Variants in CACNA1C observed in about 807,000 individuals in gnomAD.
CACNA1C encodes calcium voltage-gated channel subunit alpha1 C, also known as voltage-dependent L-type calcium channel subunit alpha-1C.
In CACNA1C, 30 loss-of-function variants were observed where a neutral mutation model predicts 229.0. The ratio of observed to expected loss-of-function variants is 0.13; its 90% confidence interval spans 0.10 to 0.18. The LOEUF is 0.18. CACNA1C is among the 10% of genes least tolerant of loss of function. The probability of loss-of-function intolerance (pLI) is 1.00; values close to 1 mark genes in which losing one functional copy is unlikely to be tolerated. For synonymous variants in CACNA1C, 1,114 were observed against 1,132.5 expected, an observed-to-expected ratio of 0.98 and a Z score of 0.33; for missense variants, 1,658 against 2,845.0, an observed-to-expected ratio of 0.58 and a Z score of 9.49.
intron 5 of CACNA1C, among the ~76,000 whole-genome samples, chr12:2,470,472 C>T (rs574664394): frequency 4.6e-5 from 7 of 152,296 alleles, no homozygotes; most frequent in South Asian, 2.1e-4. Flanking sequence ...GTGATCAATA[C>T]GCAGAACGTG....
rs2094515911 is a variant in CACNA1C, at chr12:2,647,934, C to G, written c.3913-541C>G. On this transcript the variant is annotated intron_variant, in intron 30 of 46. Transcript: ENST00000399655. The surrounding 1 kb of genome is among the most constrained non-coding windows in gnomAD (Gnocchi z 4.2). ...GGCCAGCCCACGAGTTTGAGACCAG[C>G]CTGGGCAGTATAGTGAGACCCTGTC... 6.6e-6 allele frequency among the ~76,000 whole-genome samples: 1 copy of G among 152,086 alleles called. No individual in the cohort carries two copies. Among genetic ancestry groups the G allele is most frequent in the Non-Finnish European group, 1.5e-5 (1 of 68,018 alleles).
chr12:2,182,273 C>T (rs1482013246), intron 3 of CACNA1C, among the ~76,000 whole-genome samples: 1 of 152,132 alleles, frequency 6.6e-6, no homozygotes, highest in Non-Finnish European at 1.5e-5. Context: ...CACAGGCTCC[C>T]CGTTGTGTGA....
chr12:2,176,429 A>G (rs2096646712), intron 3 of CACNA1C, among the ~76,000 whole-genome samples: 1 of 152,146 alleles, frequency 6.6e-6, no homozygotes, highest in South Asian at 2.1e-4. Context: ...AGTCTGACTC[A>G]CGTTTTTAAA....
chr12:2,487,687 G>A (rs543409602), intron 6 of CACNA1C, among the ~76,000 whole-genome samples: 1 of 151,946 alleles, frequency 6.6e-6, no homozygotes, highest in South Asian at 2.1e-4. Context: ...AAACTATCCT[G>A]TTTTCAAAAA....
intron 13 of CACNA1C, among the ~76,000 whole-genome samples, chr12:2,569,737 A>T (rs1055565540): frequency 6.6e-6 from 1 of 152,190 alleles, no homozygotes; most frequent in Admixed American, 6.5e-5. Context: ...TCCTATGAAT[A>T]ATGCTGCTAT....
At chr12:2,680,553 T>TGCACAGCCCCCCAGCATGCC (rs2097095087) in intron 42 of CACNA1C, 1 of 1,568,610 alleles carries the variant, frequency 6.4e-7, no homozygotes, top group Non-Finnish European at 8.6e-7. Context: ...CCCAGCAGGC[T>TGCACAGCCCCCCAGCATGCC]GCACAGCCCC....
chr12:2,440,108 C>T (rs888936194), intron 3 of CACNA1C, among the ~76,000 whole-genome samples: 2 of 152,162 alleles, frequency 1.3e-5, no homozygotes, highest in African/African-American at 2.4e-5. Flanking sequence ...AAGAATGCTT[C>T]TTTTTTTATT....
chr12:2,123,103 G>A (rs992664216), intron 3 of CACNA1C, among the ~76,000 whole-genome samples: 2 of 152,204 alleles, frequency 1.3e-5, no homozygotes, highest in African/African-American at 2.4e-5. Context: ...TGGGCCGGGC[G>A]CAGTGGCCCA....
At chr12:2,616,565 G>C (rs888078178) in intron 29 of CACNA1C, among the ~76,000 whole-genome samples, 6 of 152,270 alleles carry the variant, frequency 3.9e-5, no homozygotes, top group African/African-American at 9.6e-5. Flanking sequence ...AAGGCAGCAA[G>C]CGCAGGTGAG....
chr12:2,285,683 T>C lies in CACNA1C; in HGVS notation c.478-163293T>C, dbSNP rs981944350. On this transcript the variant is annotated intron_variant, in intron 3 of 46. Transcript: ENST00000399655. The surrounding 1 kb of genome is among the most constrained non-coding windows in gnomAD (Gnocchi z 4.2). ...TCCTAGGCTCCCTTCCACCGTTCCC[T>C]GGTCTCCAAACCCCATGTTCTTATC... 1.3e-5 allele frequency among the ~76,000 whole-genome samples: 2 copies of C among 152,228 alleles called. No individual in the cohort carries two copies. The highest frequency in any genetic ancestry group is 4.8e-5 in the African/African-American group (2 of 41,456).
chr12:2,562,638 C>T (rs1442305916), intron 11 of CACNA1C, among the ~76,000 whole-genome samples: 1 of 152,184 alleles, frequency 6.6e-6, no homozygotes, highest in African/African-American at 2.4e-5. Flanking sequence ...TTTCTTTGTC[C>T]CTCTGTCCAC....
chr12:2,200,186 G>C (rs558604760), intron 3 of CACNA1C, among the ~76,000 whole-genome samples: 1 of 152,140 alleles, frequency 6.6e-6, no homozygotes, highest in Admixed American at 6.5e-5. Context: ...CAACACTCAG[G>C]AGTTTCACTG....
At chr12:2,418,846 A>T (rs2098944042) in intron 3 of CACNA1C, among the ~76,000 whole-genome samples, 2 of 151,776 alleles carry the variant, frequency 1.3e-5, no homozygotes, top group African/African-American at 4.8e-5. Context: ...GAGCATGCTG[A>T]CCCCCAGCTC....
chr12:2,163,011 C>G (rs957544225), intron 3 of CACNA1C, among the ~76,000 whole-genome samples: 1 of 151,958 alleles, frequency 6.6e-6, no homozygotes, highest in African/African-American at 2.4e-5. Context: ...CCAGCCTGAC[C>G]AATATGGAGA....
Position 2,608,842 on chromosome 12 carries a change from C to T in CACNA1C, c.3558+130C>T, listed in dbSNP as rs180973029. 1,093 of 850,980 alleles carry T rather than the reference C, an allele frequency of 1.3e-3. 9 individuals carry two copies. In the African/African-American group the frequency reaches 0.017, roughly 13 times the overall value. The allele number at this position is 850,980 out of a possible 1,614,324, so 52.7% of individuals were successfully genotyped here. A position where few individuals can be genotyped will look rare whatever the true frequency, so the allele number is the denominator to read the frequency against. ...CTGAGATCGTCTCTCTATTCCTCAA[C>T]CAGAGTGGGCTGTCAGTCTTTTTGA... On this transcript the variant is annotated intron_variant, in intron 27 of 46. Transcript: ENST00000399655. The surrounding 1 kb of genome is among the most constrained non-coding windows in gnomAD (Gnocchi z 4.2).
At chr12:2,176,386 T>A (rs558912350) in intron 3 of CACNA1C, among the ~76,000 whole-genome samples, 1 of 152,164 alleles carries the variant, frequency 6.6e-6, no homozygotes, top group South Asian at 2.1e-4. Flanking sequence ...CTGGATGAGA[T>A]GGGCAGCCCT....
At chr12:2,466,436 T>A (rs1391163081) in intron 5 of CACNA1C, among the ~76,000 whole-genome samples, 1 of 152,178 alleles carries the variant, frequency 6.6e-6, no homozygotes, top group South Asian at 2.1e-4. Context: ...TAAGAGAACA[T>A]CTTTCTGGAG....
rs398123522 is a variant in CACNA1C, at chr12:2,664,901, C to T, written c.4309C>T (p.Pro1437Ser). The change falls in exon 35 of 47, where the codon CCC becomes TCC. Residue 1437 changes from proline to serine, a missense_variant. By Grantham distance (74) the Pro-to-Ser change is moderately conservative (BLOSUM62 -1). Around this residue, in one of 20 missense-constraint regions of CACNA1C, gnomAD observed 151 missense variants for 344.4 expected, o/e 0.44. Transcript: ENST00000399655. The stretch of plus-strand genomic sequence containing the variant: ...CAAGAAGTGTGCCCCAGAGTCCGAG[C>T]CCAGCAACAGCACGGAGGGTGAAAC... Reference protein sequence around the residue: ...PGKKCAPESEPSNSTEGETPC... With the variant: ...PGKKCAPESESSNSTEGETPC... The T allele has an allele frequency of 1.9e-6, 3 of 1,613,730 alleles. No individual in the cohort carries two copies. The highest frequency in any genetic ancestry group is 3.3e-5 in the Admixed American group (2 of 59,964).
chr12:2,523,916 G>A (rs1448493213), intron 9 of CACNA1C, among the ~76,000 whole-genome samples: 3 of 152,172 alleles, frequency 2.0e-5, no homozygotes, highest in Non-Finnish European at 2.9e-5. Context: ...TTCCTTCTCT[G>A]TAAACAGTGG....
Sources: gnomAD v4.1 joint callset for allele counts (sites outside exome capture counted in the v4.1 genomes callset) on GRCh38, gnomAD v4.1.1 for gene constraint, gnomAD v4.1.1 regional missense constraint, Gnocchi (gnomAD v3.1) non-coding constraint, MANE v1.5 for transcripts, NCBI Gene and HGNC (gene_info 2026-07-23, HGNC 2026-07-21) for gene names.